Variants in SGCZ observed in about 807,000 individuals in gnomAD.
The protein encoded by SGCZ is sarcoglycan zeta, also known as zeta-sarcoglycan.
SGCZ carries 40 observed loss-of-function variants against 41.3 expected under a neutral mutation model. The observed-to-expected ratio is 0.97, with a 90% CI of 0.75 to 1.26. The LOEUF (loss-of-function observed/expected upper bound fraction) is 1.26. Ranked by LOEUF, SGCZ falls within the 50% of genes most tolerant of loss-of-function variation. SGCZ has a pLI of 0.00. For synonymous variants in SGCZ, 206 were observed against 137.5 expected, an observed-to-expected ratio of 1.50 and a Z score of -3.49; for missense variants, 552 against 369.8, an observed-to-expected ratio of 1.49 and a Z score of -4.04.
chr8:14,321,866 G>A (rs1284697378), intron 3 of SGCZ, among the ~76,000 whole-genome samples: 1 of 152,000 alleles, frequency 6.6e-6, no homozygotes, highest in Non-Finnish European at 1.5e-5. Context: ...TTTCATTATT[G>A]AAATGTTTGT....
intron 2 of SGCZ, among the ~76,000 whole-genome samples, chr8:14,330,330 A>T (rs1487513424): frequency 6.6e-6 from 1 of 152,106 alleles, no homozygotes; most frequent in Admixed American, 6.5e-5. Flanking sequence ...CTCTTTACTT[A>T]AATAACAAAA....
At chr8:14,245,755 C>A (rs556064096) in intron 3 of SGCZ, among the ~76,000 whole-genome samples, 19 of 152,092 alleles carry the variant, frequency 1.2e-4, no homozygotes, top group East Asian at 3.9e-4. Flanking sequence ...ACAAAAAAAA[C>A]CACAAACAAC....
intron 3 of SGCZ, among the ~76,000 whole-genome samples, chr8:14,244,138 CTTCCTTCTTCCTCCTCCT>C (rs1305146112): frequency 0.01 from 7 of 668 alleles, no homozygotes. Flanking sequence ...CCCTTCTTTT[CTTCCTTCTTCCTCCTCCT>C]CTTCCTTCTT....
At chr8:14,407,862 G>C (rs1799253478) in intron 2 of SGCZ, among the ~76,000 whole-genome samples, 2 of 152,104 alleles carry the variant, frequency 1.3e-5, no homozygotes, top group Admixed American at 1.3e-4. Flanking sequence ...AAATACACTT[G>C]AAAGAAGTGA....
intron 1 of SGCZ, among the ~76,000 whole-genome samples, chr8:15,216,018 T>C (rs1801387632): frequency 6.6e-6 from 1 of 152,104 alleles, no homozygotes; most frequent in Non-Finnish European, 1.5e-5. Context: ...TATTTCTTTG[T>C]CATTTAGGAG....
intron 2 of SGCZ, among the ~76,000 whole-genome samples, chr8:14,345,844 T>C (rs543856383): frequency 6.6e-6 from 1 of 152,176 alleles, no homozygotes; most frequent in East Asian, 1.9e-4. Flanking sequence ...CTTGATCAAA[T>C]CCCTCTGAAC....
intron 1 of SGCZ, among the ~76,000 whole-genome samples, chr8:15,181,325 A>G (rs1269144798): frequency 6.6e-6 from 1 of 152,150 alleles, no homozygotes; most frequent in Non-Finnish European, 1.5e-5. Flanking sequence ...GTTTATAATT[A>G]TATTTGAATT....
intron 1 of SGCZ, among the ~76,000 whole-genome samples, chr8:15,084,683 C>A (rs1026528686): frequency 4.6e-5 from 7 of 152,102 alleles, no homozygotes; most frequent in Non-Finnish European, 8.8e-5. Context: ...TTCTGGGAGG[C>A]AGAGGTTGCA....
At position 14,575,551 on chromosome 8, in the gene SGCZ, C is replaced by G. The variant is rs147403201; in HGVS notation, c.40-20625G>C. Among the ~76,000 whole-genome samples the G allele has an allele frequency of 9.2e-5, 14 of 152,172 alleles. No individual in the cohort carries two copies. The South Asian group carries it at 1.5e-3, about 16-fold the overall frequency. ...TAATAGTAAAATATTGGGGACAAAA[C>G]ATGAATTTTCATTAACAGAAAATGT... is the stretch of plus-strand genomic sequence containing the variant. On this transcript the variant is annotated intron_variant, in intron 1 of 7. Coordinates refer to ENST00000382080, the MANE Select transcript of SGCZ (RefSeq NM_139167.4).
At chr8:14,330,182 T>C (rs1469911640) in intron 2 of SGCZ, among the ~76,000 whole-genome samples, 1 of 152,184 alleles carries the variant, frequency 6.6e-6, no homozygotes, top group African/African-American at 2.4e-5. Flanking sequence ...TGTATACATT[T>C]TTACCTCTTC....
chr8:15,146,890 A>G (rs1161683094), intron 1 of SGCZ, among the ~76,000 whole-genome samples: 1 of 152,184 alleles, frequency 6.6e-6, no homozygotes, highest in Non-Finnish European at 1.5e-5. Flanking sequence ...TTAATACTGT[A>G]TAGCAACTTA....
chr8:14,424,133 A>C (rs924867010), intron 2 of SGCZ, among the ~76,000 whole-genome samples: 1 of 152,186 alleles, frequency 6.6e-6, no homozygotes, highest in East Asian at 1.9e-4. Context: ...TTAAAGTCAA[A>C]TAGGTGTGAA....
chr8:15,196,468 G>A (rs1800734766), intron 1 of SGCZ, among the ~76,000 whole-genome samples: 1 of 152,100 alleles, frequency 6.6e-6, no homozygotes, highest in Non-Finnish European at 1.5e-5. Context: ...TCCTGCAAGT[G>A]AAAAGAATAT....
rs71209087 is a variant in SGCZ, at chr8:14,811,518, C to CTTTTTTTTTT, written c.40-256602_40-256593dup. Among the ~76,000 whole-genome samples, 4 of 49,744 alleles carry CTTTTTTTTTT rather than the reference C, an allele frequency of 8.0e-5. 1 individual carries two copies. The highest frequency in any genetic ancestry group is 3.1e-4 in the African/African-American group (4 of 12,898). The allele number at this position is 49,744 out of a possible 152,430, so 32.6% of individuals were successfully genotyped here. A position where few individuals can be genotyped will look rare whatever the true frequency, so the allele number is the denominator to read the frequency against. On this transcript the variant is annotated intron_variant, in intron 1 of 7. Transcript: ENST00000382080. ...AAACATTCGCTGAAAGACACTGCAT[C>CTTTTTTTTTT]TTTTTTTTTTTTTTTTTTTTTTTTT... is the stretch of plus-strand genomic sequence containing the variant.
intron 1 of SGCZ, among the ~76,000 whole-genome samples, chr8:14,882,919 G>A (rs1804646520): frequency 6.6e-6 from 1 of 151,806 alleles, no homozygotes; most frequent in Non-Finnish European, 1.5e-5. Flanking sequence ...TATATGGTGT[G>A]GAACAAGTGC....
intron 1 of SGCZ, among the ~76,000 whole-genome samples, chr8:14,866,669 G>C (rs1483467430): frequency 1.3e-5 from 2 of 152,000 alleles, no homozygotes; most frequent in African/African-American, 4.8e-5. Context: ...AATGAGCTGG[G>C]CATGATGGTG....
At position 14,190,016 on chromosome 8, in the gene SGCZ, T is replaced by TTTTTC. The variant is rs755557182; in HGVS notation, c.425-25315_425-25314insGAAAA. 2.7e-3 allele frequency among the ~76,000 whole-genome samples: 374 copies of TTTTTC among 136,780 alleles called. 11 individuals are homozygous for TTTTTC. Among genetic ancestry groups the TTTTTC allele is most frequent in the East Asian group, 0.018 (84 of 4,670 alleles). 89.7% of individuals were successfully genotyped at this position (136,780 alleles called of 152,430 possible). ...ATCTACTTTTTCTTTCTTTCTTTCT[T>TTTTTC]TTTTTTTTTTTTTTGAGACGGACTC... On this transcript the variant is annotated intron_variant, in intron 4 of 7. Transcript: ENST00000382080.
chr8:14,471,969 G>C lies in SGCZ; in HGVS notation c.234+82763C>G, dbSNP rs1399736127. ...CCACAGTTATATAAGCTGAATTTCCGAATCTCATTTGTTTACCTCTGTGGC... is the reference window on the plus strand; with the variant it reads ...CCACAGTTATATAAGCTGAATTTCCCAATCTCATTTGTTTACCTCTGTGGC... On this transcript the variant is annotated intron_variant, in intron 2 of 7. Coordinates refer to ENST00000382080, the MANE Select transcript of SGCZ (RefSeq NM_139167.4). Among the ~76,000 whole-genome samples the C allele has an allele frequency of 3.9e-5, 6 of 152,012 alleles. No homozygotes were observed. In the East Asian group the frequency reaches 1.2e-3, roughly 29 times the overall value.
intron 3 of SGCZ, among the ~76,000 whole-genome samples, chr8:14,276,730 T>C (rs1317023185): frequency 6.6e-6 from 1 of 152,180 alleles, no homozygotes; most frequent in Non-Finnish European, 1.5e-5. Flanking sequence ...ATGATTTAAT[T>C]CTACGCCACC....
Sources: gnomAD v4.1 joint callset for allele counts (sites outside exome capture counted in the v4.1 genomes callset) on GRCh38, gnomAD v4.1.1 for gene constraint, MANE v1.5 for transcripts, NCBI Gene and HGNC (gene_info 2026-07-23, HGNC 2026-07-21) for gene names.